The following FNDC3A variants were observed in gnomAD, a reference collection of about 807,000 sequenced individuals.
FNDC3A encodes the protein fibronectin type III domain containing 3A.
Under a neutral mutation model 148.9 loss-of-function variants are expected in FNDC3A, and 32 were observed. The observed-to-expected ratio is 0.21, with a 90% confidence interval of 0.16 to 0.29. The LOEUF (loss-of-function observed/expected upper bound fraction) is 0.29, where lower values mean the gene tolerates loss of function less well. Ranked by LOEUF, FNDC3A falls within the 10% of genes least tolerant of loss-of-function variation. The probability of loss-of-function intolerance (pLI) is 1.00; values close to 1 mark genes in which losing one functional copy is unlikely to be tolerated. For missense variants in FNDC3A, 1,191 were observed against 1,452.8 expected, an observed-to-expected ratio of 0.82 and a Z score of 2.93; for synonymous variants, 472 against 473.6, an observed-to-expected ratio of 1.00 and a Z score of 0.04.
intron 2 of FNDC3A, chr13:49,045,809 T>C (rs913061907): frequency 6.1e-6 from 2 of 326,832 alleles, no homozygotes; most frequent in African/African-American, 3.1e-5. Context: ...TTTTTTTTTT[T>C]CGTTGTCAAA....
At chr13:49,009,013 A>C (rs1023144061) in intron 2 of FNDC3A, among the ~76,000 whole-genome samples, 2 of 152,020 alleles carry the variant, frequency 1.3e-5, no homozygotes, top group African/African-American at 4.8e-5. Flanking sequence ...CATAGGGTTC[A>C]CTCTTAGTGT....
intron 3 of FNDC3A, among the ~76,000 whole-genome samples, chr13:49,088,755 G>T (rs1265844523): frequency 6.6e-6 from 1 of 151,856 alleles, no homozygotes; most frequent in Non-Finnish European, 1.5e-5. Context: ...AGTAAAGACA[G>T]GGTCTCGCTA....
chr13:49,015,410 T>A (rs924260308), intron 2 of FNDC3A, among the ~76,000 whole-genome samples: 9 of 152,204 alleles, frequency 5.9e-5, no homozygotes, highest in Non-Finnish European at 1.2e-4. Context: ...TGTCTGTTGT[T>A]GGTGTATAAG....
At chr13:49,109,584 C>T (rs570524424) in intron 3 of FNDC3A, among the ~76,000 whole-genome samples, 33 of 152,248 alleles carry the variant, frequency 2.2e-4, no homozygotes, top group African/African-American at 7.9e-4. Context: ...TGTAACTGGA[C>T]ATCTTTGGTC....
In FNDC3A at chr13:49,073,713, GTGTATATATAATATATA is replaced by G. The variant is rs1265884765; in HGVS notation, c.100-1559_100-1543del. ...ATATATATGTATATATAATATATAT[GTGTATATATAATATATA>G]TGTATATATAATATATGTGTATATA... On this transcript the variant is annotated intron_variant, in intron 2 of 25. Transcript: ENST00000492622. 8.5e-5 allele frequency among the ~76,000 whole-genome samples: 12 copies of G among 141,580 alleles called. 1 individual carries two copies. In the East Asian group the frequency reaches 1.4e-3, roughly 16 times the overall value. 92.9% of individuals were successfully genotyped at this position (141,580 alleles called of 152,430 possible). A position where few individuals can be genotyped will look rare whatever the true frequency, so the allele number is the denominator to read the frequency against.
At chr13:49,096,073 T>G (rs1879506904) in intron 3 of FNDC3A, among the ~76,000 whole-genome samples, 2 of 152,124 alleles carry the variant, frequency 1.3e-5, no homozygotes, top group Non-Finnish European at 2.9e-5. Context: ...ACAAACACTT[T>G]AAGCATAATT....
chr13:48,975,904 G>A (rs1951588706), upstream of FNDC3A: 1 of 151,720 alleles, frequency 6.6e-6, no homozygotes, highest in Non-Finnish European at 1.5e-5. Context: ...GCCGACTTCG[G>A]GCTCCTCCTC....
intron 5 of FNDC3A, among the ~76,000 whole-genome samples, chr13:49,135,338 T>G (rs1185808759): frequency 6.6e-6 from 1 of 152,180 alleles, no homozygotes; most frequent in African/African-American, 2.4e-5. Flanking sequence ...TATCCTTTAG[T>G]GCAGAAAAGT....
At chr13:49,059,726 G>T (rs897919565) in intron 2 of FNDC3A, among the ~76,000 whole-genome samples, 1 of 152,100 alleles carries the variant, frequency 6.6e-6, no homozygotes, top group Non-Finnish European at 1.5e-5. Flanking sequence ...CAAAGTGCTG[G>T]GATTACAGGC....
rs1593609479 is a variant in FNDC3A at position 49,115,188 on chromosome 13, G to GC, written c.252+457_252+458insC. Among the ~76,000 whole-genome samples, 2 of 128,582 alleles carry GC rather than the reference G, an allele frequency of 1.6e-5. 1 individual carries two copies. Among genetic ancestry groups the GC allele is most frequent in the East Asian group, 4.2e-4 (2 of 4,808 alleles). The allele number at this position is 128,582 out of a possible 152,430, so 84.4% of individuals were successfully genotyped here. A position where few individuals can be genotyped will look rare whatever the true frequency, so the allele number is the denominator to read the frequency against. On this transcript the variant is annotated intron_variant, in intron 4 of 25. Coordinates refer to ENST00000492622, the MANE Select transcript of FNDC3A (RefSeq NM_001079673.2). ...TTTAGCAACCCTGAGGGATGAGGGG[G>GC]GGGGGGAAATAAAAAAAAAAAATCA... is the stretch of plus-strand genomic sequence containing the variant.
rs147326123 is a variant in FNDC3A at position 49,036,900 on chromosome 13, A to G, written c.99+30611A>G. 2.6e-3 allele frequency among the ~76,000 whole-genome samples: 401 copies of G among 152,332 alleles called. 4 individuals carry two copies. The highest frequency in any genetic ancestry group is 7.2e-4 in the Non-Finnish European group (49 of 68,020). On this transcript the variant is annotated intron_variant, in intron 2 of 25. Coordinates refer to ENST00000492622, the MANE Select transcript of FNDC3A (RefSeq NM_001079673.2). ...TCAAGTCTGAACTAATTGTCATGCC[A>G]AAGAATAGTAAGTAAGTCACAGACC...
intron 2 of FNDC3A, among the ~76,000 whole-genome samples, chr13:49,015,439 A>G (rs1952475817): frequency 6.6e-6 from 1 of 152,206 alleles, no homozygotes; most frequent in Non-Finnish European, 1.5e-5. Flanking sequence ...TGATTTTTGT[A>G]CATTGATTTT....
chr13:49,015,956 C>T lies in FNDC3A; in HGVS notation c.99+9667C>T, dbSNP rs200009787. ...CCTTGCATCCCAGGGATGAAGCCCA[C>T]TTGATCATGGTGGATAAGCTTTTTG... On this transcript the variant is annotated intron_variant, in intron 2 of 25. Transcript: ENST00000492622. Among the ~76,000 whole-genome samples the T allele has an allele frequency of 2.8e-4, 43 of 151,790 alleles. No homozygotes were observed. The East Asian group carries it at 8.1e-3, about 29-fold the overall frequency.
chr13:49,089,006 T>G (rs1291626581), intron 3 of FNDC3A, among the ~76,000 whole-genome samples: 1 of 152,022 alleles, frequency 6.6e-6, no homozygotes, highest in Non-Finnish European at 1.5e-5. Flanking sequence ...AGAGAGAAAA[T>G]AGAATAGTGG....
At chr13:49,162,292 G>T (rs1224752711) in intron 8 of FNDC3A, among the ~76,000 whole-genome samples, 1 of 152,092 alleles carries the variant, frequency 6.6e-6, no homozygotes, top group Admixed American at 6.5e-5. Context: ...ATTTCTTGGA[G>T]GCTTCTTTCG....
At chr13:49,091,160 A>G (rs879764582) in intron 3 of FNDC3A, among the ~76,000 whole-genome samples, 6 of 152,220 alleles carry the variant, frequency 3.9e-5, no homozygotes, top group Admixed American at 1.3e-4. Context: ...CTCTGGGGAA[A>G]GAGAAGAAAC....
chr13:49,013,564 G>A (rs898918170), intron 2 of FNDC3A, among the ~76,000 whole-genome samples: 8 of 151,390 alleles, frequency 5.3e-5, no homozygotes, highest in African/African-American at 1.2e-4. Context: ...ATATGTACAC[G>A]TGTATACATG....
intron 2 of FNDC3A, among the ~76,000 whole-genome samples, chr13:49,008,614 T>A (rs1257175097): frequency 6.6e-6 from 1 of 152,214 alleles, no homozygotes; most frequent in Non-Finnish European, 1.5e-5. Context: ...ATTATCTGTC[T>A]CCTCATTAAT....
At chr13:49,083,246 A>G (rs1878595674) in intron 3 of FNDC3A, among the ~76,000 whole-genome samples, 1 of 152,210 alleles carries the variant, frequency 6.6e-6, no homozygotes, top group African/African-American at 2.4e-5. Context: ...TCTCACACCA[A>G]GGAGACTCCT....
Sources: allele counts gnomAD v4.1 joint callset (sites outside exome capture counted in the v4.1 genomes callset), GRCh38; gene constraint gnomAD v4.1.1; transcripts MANE v1.5; gene names NCBI Gene and HGNC (gene_info 2026-07-23, HGNC 2026-07-21).